The following SPINK13 variants were observed in gnomAD, a reference collection of about 807,000 sequenced individuals.
SPINK13 encodes the protein serine peptidase inhibitor Kazal type 13.
SPINK13 carries 11 observed loss-of-function variants against 11.0 expected under a neutral mutation model. The observed-to-expected ratio is 1.00, with a 90% CI of 0.63 to 1.65. The LOEUF is 1.65. Ranked by LOEUF, SPINK13 falls within the 40% of genes most tolerant of loss-of-function variation. The pLI is 0.00. For missense variants in SPINK13, 113 were observed against 117.7 expected, an observed-to-expected ratio of 0.96 and a Z score of 0.19; for synonymous variants, 31 against 35.6, an observed-to-expected ratio of 0.87 and a Z score of 0.46.
chr5:148,275,188 T>C (rs558403457), intron 3 of SPINK13, among the ~76,000 whole-genome samples: 2 of 152,302 alleles, frequency 1.3e-5, no homozygotes, highest in South Asian at 2.1e-4. Flanking sequence ...CCTGTGTTCA[T>C]GTGTTCTCAT....
chr5:148,269,829 T>G (rs1007625489), intron 1 of SPINK13, among the ~76,000 whole-genome samples: 2 of 149,542 alleles, frequency 1.3e-5, no homozygotes, highest in Non-Finnish European at 2.9e-5. Context: ...CAGCTAGTTT[T>G]TGGCAGAAAA....
chr5:148,273,976 T>C (rs1235973897), intron 2 of SPINK13, among the ~76,000 whole-genome samples: 1 of 152,240 alleles, frequency 6.6e-6, no homozygotes, highest in Non-Finnish European at 1.5e-5. Flanking sequence ...CATTACTTAC[T>C]ATATCATATT....
chr5:148,286,185 T>C lies in SPINK13; in HGVS notation c.*137T>C. On this transcript the variant is annotated 3_prime_UTR_variant, in exon 5 of 5. Coordinates refer to ENST00000398450, the MANE Select transcript of SPINK13 (RefSeq NM_001040129.3). ...TGTCGAACAAAATGAGAGACAAAAA[T>C]GAAGGAATCAAACTGACAAGAACCA... 1 of 470,982 alleles carries C rather than the reference T, an allele frequency of 2.1e-6. No individual in the cohort carries two copies. The highest frequency in any genetic ancestry group is 3.7e-6 in the Non-Finnish European group (1 of 272,990). The allele number at this position is 470,982 out of a possible 1,614,324, so 29.2% of individuals were successfully genotyped here. A position where few individuals can be genotyped will look rare whatever the true frequency, so the allele number is the denominator to read the frequency against.
rs145775057 is a variant in SPINK13 at position 148,281,958 on chromosome 5, C to T, written c.109-146C>T. The T allele has an allele frequency of 1.7e-4, 187 of 1,128,218 alleles. No homozygotes were observed. The East Asian group carries it at 4.4e-3, about 26-fold the overall frequency. The allele number at this position is 1,128,218 out of a possible 1,614,324, so 69.9% of individuals were successfully genotyped here. A position where few individuals can be genotyped will look rare whatever the true frequency, so the allele number is the denominator to read the frequency against. On this transcript the variant is annotated intron_variant, in intron 3 of 4. Transcript: ENST00000398450. Reference sequence around the variant, plus strand: ...CAATCAGAAAAAGAAACTGGCCTGACAGAAGGCCACAGAACAGTGAATCCT... The same window carrying T: ...CAATCAGAAAAAGAAACTGGCCTGATAGAAGGCCACAGAACAGTGAATCCT...
intron 3 of SPINK13, among the ~76,000 whole-genome samples, chr5:148,276,792 G>GT (rs1756436125): frequency 6.6e-6 from 1 of 152,160 alleles, no homozygotes; most frequent in Admixed American, 6.5e-5. Flanking sequence ...ATTCAAAGTA[G>GT]TTTTTTCTAA....
intron 1 of SPINK13, among the ~76,000 whole-genome samples, chr5:148,269,533 T>A (rs1756315667): frequency 6.6e-6 from 1 of 152,082 alleles, no homozygotes; most frequent in Admixed American, 6.6e-5. Context: ...AGCTGGGAAA[T>A]AAAGGGCTTA....
At chr5:148,282,313 T>C (rs2113375137) in intron 4 of SPINK13, 82 bp downstream of exon 4, 2 of 1,534,370 alleles carry the variant, frequency 1.3e-6, no homozygotes, top group Non-Finnish European at 1.8e-6. Flanking sequence ...AGGAATTGGG[T>C]TTTACTGATG....
chr5:148,282,855 A>T (rs1038260483), intron 4 of SPINK13, among the ~76,000 whole-genome samples: 10 of 152,218 alleles, frequency 6.6e-5, no homozygotes, highest in Admixed American at 3.9e-4. Flanking sequence ...GTTTTCACAA[A>T]TCAGCCCTGT....
Position 148,286,035 on chromosome 5 carries a change from G to C in SPINK13, c.272G>C (p.Gly91Ala), listed in dbSNP as rs1367475523. 6.8e-7 allele frequency: 1 copy of C among 1,461,192 alleles called. No individual in the cohort carries two copies. Among genetic ancestry groups the C allele is most frequent in the Non-Finnish European group, 9.4e-7 (1 of 1,067,806 alleles). The allele number at this position is 1,461,192 out of a possible 1,614,324, so 90.5% of individuals were successfully genotyped here. ...TATCGTATAAAATTTGAAAAATATG[G>C]AAAATGTGATTAATGGGTACCAGAG... ...FHYRIKFEKY[G>A]KCD Residue 91 changes from glycine to alanine, a missense_variant, in exon 5 of 5, where the codon GGA becomes GCA. Transcript: ENST00000398450.
intron 1 of SPINK13, chr5:148,269,111 C>G (rs1034538459): frequency 6.6e-6 from 1 of 152,174 alleles, no homozygotes; most frequent in South Asian, 2.1e-4. Flanking sequence ...TAGAGTAGGG[C>G]GTGAGCAAGT....
At chr5:148,277,706 A>G (rs1319720527) in intron 3 of SPINK13, among the ~76,000 whole-genome samples, 8 of 152,188 alleles carry the variant, frequency 5.3e-5, no homozygotes, top group African/African-American at 1.7e-4. Flanking sequence ...TTTCCCATCA[A>G]TGTTCACCAG....
Position 148,282,233 on chromosome 5 carries a change from T to A in SPINK13, c.236+2T>A. ...GTGTTTCTTTTGTGTTGAACAGAGGTAAGTTCAGAATAAAATGCCATTATT... is the reference window on the plus strand; with the variant it reads ...GTGTTTCTTTTGTGTTGAACAGAGGAAAGTTCAGAATAAAATGCCATTATT... On this transcript the variant is annotated splice_donor_variant, in intron 4 of 4. Transcript: ENST00000398450. LOFTEE classifies it high-confidence loss of function. The A allele has an allele frequency of 6.2e-7, 1 of 1,614,066 alleles. No homozygotes were observed. Among genetic ancestry groups the A allele is most frequent in the Non-Finnish European group, 8.5e-7 (1 of 1,179,974 alleles).
At chr5:148,271,798 G>C (rs1581163751) in intron 2 of SPINK13, among the ~76,000 whole-genome samples, 4 of 151,940 alleles carry the variant, frequency 2.6e-5, no homozygotes, top group Admixed American at 2.6e-4. Flanking sequence ...CTAATTTTTT[G>C]TATTTTTAGT....
chr5:148,270,061 A>G lies in SPINK13; in HGVS notation c.-12A>G. 6.2e-7 allele frequency: 1 copy of G among 1,613,850 alleles called. No homozygotes were observed. The highest frequency in any genetic ancestry group is 1.1e-5 in the South Asian group (1 of 91,070). On this transcript the variant is annotated 5_prime_UTR_variant, in exon 2 of 5. Coordinates refer to ENST00000398450, the MANE Select transcript of SPINK13 (RefSeq NM_001040129.3). ...ACAGGCCTTATCAAAGAAGAGTCTT[A>G]TATGAGATCAAATGGCTGCCTTTCC... is the stretch of plus-strand genomic sequence containing the variant.
chr5:148,270,849 TAG>T (rs1487316790), intron 2 of SPINK13: 2 of 152,206 alleles, frequency 1.3e-5, no homozygotes, highest in African/African-American at 4.8e-5. Flanking sequence ...AAGCAGAAGT[TAG>T]AATGGTGCAG....
chr5:148,270,143 G>T lies in SPINK13; in HGVS notation c.70+1G>T, dbSNP rs1215054996. On this transcript the variant is annotated splice_donor_variant, in intron 2 of 4. Coordinates refer to ENST00000398450, the MANE Select transcript of SPINK13 (RefSeq NM_001040129.3). LOFTEE classifies it high-confidence loss of function. Reference sequence around the variant, plus strand: ...ACTTTGACACATGTGGCTTTCTCAGGTGAGTAACCTAAGAGGTTTTGGGAG... The same window carrying T: ...ACTTTGACACATGTGGCTTTCTCAGTTGAGTAACCTAAGAGGTTTTGGGAG... The T allele has an allele frequency of 3.1e-6, 5 of 1,613,890 alleles. No homozygotes were observed. The highest frequency in any genetic ancestry group is 4.2e-6 in the Non-Finnish European group (5 of 1,179,828).
intron 3 of SPINK13, among the ~76,000 whole-genome samples, chr5:148,281,176 C>G (rs1433493530): frequency 6.6e-6 from 1 of 152,206 alleles, no homozygotes; most frequent in Non-Finnish European, 1.5e-5. Context: ...GACTGCTGTG[C>G]TGGCAGCAAG....
chr5:148,280,302 T>G (rs1369017841), intron 3 of SPINK13, among the ~76,000 whole-genome samples: 4 of 152,154 alleles, frequency 2.6e-5, no homozygotes, highest in Admixed American at 2.6e-4. Flanking sequence ...GTCAAACTCA[T>G]TCTCCATCTA....
chr5:148,269,826 T>C (rs920503593), intron 1 of SPINK13, among the ~76,000 whole-genome samples: 15 of 149,954 alleles, frequency 1.0e-4, no homozygotes, highest in Admixed American at 9.2e-4. Flanking sequence ...TGTCAGCTAG[T>C]TTTTGGCAGA....
Sources: gnomAD v4.1 joint callset for allele counts (sites outside exome capture counted in the v4.1 genomes callset) on GRCh38, gnomAD v4.1.1 for gene constraint, MANE v1.5 for transcripts, NCBI Gene and HGNC (gene_info 2026-07-23, HGNC 2026-07-21) for gene names.